Variants in PACRGL observed in about 807,000 individuals in gnomAD.
PACRGL encodes the protein parkin coregulated like.
In PACRGL, 38 loss-of-function variants were observed where a neutral mutation model predicts 34.5. The ratio of observed to expected loss-of-function variants is 1.10; its 90% CI spans 0.85 to 1.44. The LOEUF is 1.44. PACRGL is among the 40% of genes most tolerant of loss of function. PACRGL has a pLI of 0.00. For synonymous variants in PACRGL, 128 were observed against 100.1 expected (o/e 1.28, Z -1.66); for missense variants, 305 against 281.4 (o/e 1.08, Z -0.60).
chr4:20,716,501 A>G (rs989019989), intron 7 of PACRGL, among the ~76,000 whole-genome samples: 2 of 150,858 alleles, frequency 1.3e-5, no homozygotes, highest in Non-Finnish European at 3.0e-5. Context: ...CTCCCCCGAC[A>G]GGCCCTGGTG....
intron 8 of PACRGL, chr4:20,749,614 G>T: frequency 7.6e-7 from 1 of 1,320,386 alleles, no homozygotes; most frequent in Non-Finnish European, 1.1e-6. Flanking sequence ...CCCCTAAAAA[G>T]ACTAAACTCT....
intron 8 of PACRGL, among the ~76,000 whole-genome samples, chr4:20,748,185 T>G (rs1300096003): frequency 1.3e-5 from 2 of 152,140 alleles, no homozygotes; most frequent in Non-Finnish European, 2.9e-5. Flanking sequence ...CTAAGACATG[T>G]CAACTTCTGG....
chr4:20,745,805 C>T (rs1347142480), intron 8 of PACRGL, among the ~76,000 whole-genome samples: 1 of 152,100 alleles, frequency 6.6e-6, no homozygotes, highest in Non-Finnish European at 1.5e-5. Flanking sequence ...CCTCCTGACT[C>T]CCCTGACTCC....
intron 8 of PACRGL, among the ~76,000 whole-genome samples, chr4:20,745,663 A>G (rs1281709767): frequency 6.6e-6 from 1 of 152,172 alleles, no homozygotes; most frequent in Non-Finnish European, 1.5e-5. Context: ...CCATTCTCTT[A>G]TTATCAAGGC....
In PACRGL at chr4:20,713,492, G is replaced by C. The variant is rs183601092; in HGVS notation, c.562G>C (p.Val188Leu). 10 of 1,613,538 alleles carry C rather than the reference G, an allele frequency of 6.2e-6. No homozygotes were observed. In the East Asian group the frequency reaches 2.0e-4, roughly 32 times the overall value. ...GAATGCTCTAGTTCAGCTAAGTGTC[G>C]TTGTTGGTCCTTCTCTAAACGACCA... ...GLNALVQLSV[V>L]VGPSLNDHLK... is the part of the protein sequence containing the mutation. The change falls in exon 7 of 9, where the codon GTT (valine) becomes CTT (leucine). Residue 188 changes from valine (V) to leucine (L), a missense_variant. By Grantham distance (32) the Val-to-Leu change is conservative. Coordinates refer to ENST00000503585, the MANE Select transcript of PACRGL (RefSeq NM_001258345.3).
Position 20,713,547 on chromosome 4 carries a change from C to T in PACRGL, c.609+8C>T. 6.3e-7 allele frequency: 1 copy of T among 1,584,984 alleles called. No individual in the cohort carries two copies. The highest frequency in any genetic ancestry group is 8.7e-7 in the Non-Finnish European group (1 of 1,154,002). ...AAGCATCTGCTTACAAGCGTAAGTA[C>T]TGCAAAGATTAGATAATGATTGACT... On this transcript the variant is annotated splice_region_variant and intron_variant, in intron 7 of 8. Coordinates refer to ENST00000503585, the MANE Select transcript of PACRGL (RefSeq NM_001258345.3).
At chr4:20,712,387 A>G (rs1425956010) in intron 5 of PACRGL, among the ~76,000 whole-genome samples, 1 of 152,030 alleles carries the variant, frequency 6.6e-6, no homozygotes, top group Non-Finnish European at 1.5e-5. Context: ...CTATTAAAAA[A>G]AAATACAATG....
chr4:20,703,148 AT>A (rs1732951761), intron 1 of PACRGL, among the ~76,000 whole-genome samples: 1 of 152,210 alleles, frequency 6.6e-6, no homozygotes. Context: ...AGAAGAAAAA[AT>A]GAAGGAGTTA....
downstream of PACRGL, chr4:20,732,900 G>T (rs1464435023): frequency 3.1e-6 from 2 of 646,220 alleles, no homozygotes; most frequent in Non-Finnish European, 5.3e-6. Flanking sequence ...TTGTTTGTTG[G>T]ATTCTTTGTT....
chr4:20,724,243 A>G (rs948367811), intron 7 of PACRGL, among the ~76,000 whole-genome samples: 2 of 152,192 alleles, frequency 1.3e-5, no homozygotes, highest in African/African-American at 2.4e-5. Flanking sequence ...GTGAGACCCA[A>G]GAATCTGCAT....
chr4:20,752,055 G>GTT (rs33912651), intron 8 of PACRGL, among the ~76,000 whole-genome samples: 20,017 of 121,382 alleles, frequency 0.16, 2,205 homozygotes, highest in African/African-American at 0.24. Context: ...ACTTCATAGA[G>GTT]TTTTTTTTTT....
At chr4:20,751,373 G>A (rs1163436856) in intron 8 of PACRGL, among the ~76,000 whole-genome samples, 1 of 152,080 alleles carries the variant, frequency 6.6e-6, no homozygotes, top group Non-Finnish European at 1.5e-5. Context: ...ACTTAGTTCT[G>A]TTGTTGGGAA....
chr4:20,723,014 A>G (rs918437394), intron 7 of PACRGL, among the ~76,000 whole-genome samples: 1 of 152,148 alleles, frequency 6.6e-6, no homozygotes, highest in Admixed American at 6.5e-5. Context: ...CTGTTCCAAT[A>G]CACCCTAGGA....
intron 7 of PACRGL, among the ~76,000 whole-genome samples, chr4:20,717,967 G>T (rs183037470): frequency 1.3e-5 from 2 of 152,286 alleles, no homozygotes; most frequent in Admixed American, 6.5e-5. Context: ...CTATCCATGA[G>T]TATGGAATCT....
chr4:20,766,617 T>A, the PACRGL span, among the ~76,000 whole-genome samples: 1 of 152,092 alleles, frequency 6.6e-6, no homozygotes, highest in Non-Finnish European at 1.5e-5. Context: ...ACAATTCAAT[T>A]CAATGTCCTC....
downstream of PACRGL, chr4:20,732,812 G>C (rs1299512676): frequency 1.5e-6 from 2 of 1,327,566 alleles, no homozygotes; most frequent in Non-Finnish European, 2.2e-6. Flanking sequence ...ACTCACGTGA[G>C]GCTGCACACA....
rs140032501 is a variant in PACRGL at position 20,730,895 on chromosome 4, A to G, written c.*3554A>G. On this transcript the variant is annotated 3_prime_UTR_variant, in exon 9 of 9. Coordinates refer to ENST00000503585, the MANE Select transcript of PACRGL (RefSeq NM_001258345.3). ...CCAATAATGGCTTCCACTGCTAGAA[A>G]CCAAGTAACATCACCGTCAAGCAGC... 4.1e-3 allele frequency among the ~76,000 whole-genome samples: 628 copies of G among 152,218 alleles called. 9 individuals are homozygous for G. Among genetic ancestry groups the G allele is most frequent in the African/African-American group, 0.014 (594 of 41,540 alleles).
chr4:20,720,939 C>G (rs190289233), intron 7 of PACRGL, among the ~76,000 whole-genome samples: 1 of 152,170 alleles, frequency 6.6e-6, no homozygotes, highest in Non-Finnish European at 1.5e-5. Flanking sequence ...TGGTTCCATT[C>G]TCCCTGTCAC....
intron 1 of PACRGL, among the ~76,000 whole-genome samples, chr4:20,701,340 G>A (rs1309180457): frequency 6.6e-6 from 1 of 152,142 alleles, no homozygotes; most frequent in Non-Finnish European, 1.5e-5. Flanking sequence ...AAGCTTTAAG[G>A]GGAATGTGTG....
Sources: allele counts gnomAD v4.1 joint callset (sites outside exome capture counted in the v4.1 genomes callset), GRCh38; gene constraint gnomAD v4.1.1; transcripts MANE v1.5; gene names NCBI Gene and HGNC (gene_info 2026-07-23, HGNC 2026-07-21).